NF1: variants seen among roughly 807,000 people sequenced by gnomAD.
The protein encoded by NF1 is neurofibromin.
Under a neutral mutation model 325.7 loss-of-function variants are expected in NF1, and 122 were observed. That is an observed-to-expected ratio of 0.37 (90% CI 0.32 to 0.44). The LOEUF (loss-of-function observed/expected upper bound fraction) is 0.44. NF1 is among the 20% of genes least tolerant of loss of function. NF1 has a pLI of 1.00. For missense variants in NF1, 2,140 were observed against 3,415.4 expected (o/e 0.63, Z 9.31); for synonymous variants, 1,091 against 1,186.0 (o/e 0.92, Z 1.65).
At chr17:31,294,907 G>C in intron 36 of NF1, 1 of 1,490,760 alleles carries the variant, frequency 6.7e-7, no homozygotes, top group Non-Finnish European at 9.3e-7. Flanking sequence ...TGGCTTTCTT[G>C]AATACTTAAA....
intron 27 of NF1, among the ~76,000 whole-genome samples, chr17:31,235,193 CTG>C (rs2067179166): frequency 1.3e-5 from 2 of 152,136 alleles, no homozygotes; most frequent in African/African-American, 4.8e-5. Flanking sequence ...AGTTCCCCGA[CTG>C]TATGAGAAGA....
intron 36 of NF1, among the ~76,000 whole-genome samples, chr17:31,325,443 A>T (rs1023701931): frequency 6.6e-6 from 1 of 152,228 alleles, no homozygotes; most frequent in African/African-American, 2.4e-5. Flanking sequence ...TCAAGGTGGG[A>T]TAAATGGATT....
chr17:31,144,976 G>A (rs1451604329), intron 1 of NF1, among the ~76,000 whole-genome samples: 7 of 152,188 alleles, frequency 4.6e-5, no homozygotes, highest in Non-Finnish European at 1.0e-4. Context: ...TAAATTCAGA[G>A]TTCTTAAAAT....
At chr17:31,163,104 G>T in intron 3 of NF1, 82 bp from the exon 4 acceptor site, 1 of 1,344,482 alleles carries the variant, frequency 7.4e-7, no homozygotes, top group Non-Finnish European at 1.1e-6. Flanking sequence ...TTTGTTCTGT[G>T]TGTGTGTTTG....
chr17:31,113,830 A>G (rs972913106), intron 1 of NF1, among the ~76,000 whole-genome samples: 10 of 152,198 alleles, frequency 6.6e-5, no homozygotes, highest in Non-Finnish European at 1.2e-4. Context: ...CTTCTTTACA[A>G]GAAGAAAAAC....
intron 1 of NF1, among the ~76,000 whole-genome samples, chr17:31,112,928 T>G (rs2143310292): frequency 6.6e-6 from 1 of 152,310 alleles, no homozygotes; most frequent in South Asian, 2.1e-4. Flanking sequence ...ATTTGTGCTA[T>G]GTGCCTGTTA....
At chr17:31,202,224 T>C (rs893758850) in intron 11 of NF1, among the ~76,000 whole-genome samples, 3 of 152,228 alleles carry the variant, frequency 2.0e-5, no homozygotes, top group Admixed American at 2.0e-4. Flanking sequence ...AGTGTTATTT[T>C]CCATTGTTCC....
chr17:31,243,174 C>T (rs147479967), intron 29 of NF1, among the ~76,000 whole-genome samples: 1 of 80,978 alleles, frequency 1.2e-5, no homozygotes, highest in Non-Finnish European at 2.3e-5. Context: ...GAGTCAGTCT[C>T]TCTCTCTGTC....
At chr17:31,253,918 A>T (rs2067535067) in intron 31 of NF1, 1 of 152,116 alleles carries the variant, frequency 6.6e-6, no homozygotes, top group Non-Finnish European at 1.5e-5. Context: ...GTAATTTAGA[A>T]TACAGTGTTC....
chr17:31,373,429 T>C (rs576976353), intron 57 of NF1, among the ~76,000 whole-genome samples: 7 of 152,366 alleles, frequency 4.6e-5, no homozygotes, highest in Admixed American at 4.6e-4. Flanking sequence ...AGTTCAAGCC[T>C]GCCAGCCTCT....
intron 36 of NF1, chr17:31,272,590 G>A (rs1030659417): frequency 2.6e-5 from 4 of 152,176 alleles, no homozygotes; most frequent in African/African-American, 4.8e-5. Flanking sequence ...CCAGGATTGG[G>A]GTTCATTCTG....
In NF1 at chr17:31,221,900, T is replaced by A; in HGVS notation, c.1692T>A (p.Asp564Glu). The A allele has an allele frequency of 6.2e-7, 1 of 1,606,982 alleles. No individual in the cohort carries two copies. Among genetic ancestry groups the A allele is most frequent in the Non-Finnish European group, 8.5e-7 (1 of 1,179,094 alleles). ...ATAGCATTGATTTGTGGAATCCTGA[T>A]GCTCCTGTAGAAACATTTTGGGAGA... ...QLDSIDLWNP[D>E]APVETFWEIS... Residue 564 changes from aspartate to glutamate, a missense_variant, in exon 15 of 58, where the codon GAT becomes GAA. Asp to Glu is a conservative substitution (Grantham distance 45). Transcript: ENST00000358273.
At chr17:31,286,177 C>T (rs1307028917) in intron 36 of NF1, among the ~76,000 whole-genome samples, 2 of 152,130 alleles carry the variant, frequency 1.3e-5, no homozygotes, top group Non-Finnish European at 2.9e-5. Flanking sequence ...TCCCTGCAAC[C>T]TCCACCTACT....
At chr17:31,118,558 G>A (rs752341890) in intron 1 of NF1, among the ~76,000 whole-genome samples, 38 of 151,720 alleles carry the variant, frequency 2.5e-4, no homozygotes, top group Non-Finnish European at 5.3e-4. Flanking sequence ...TTCTGTTCCT[G>A]TGTTAGTTTG....
At chr17:31,359,179 C>T (rs547645332) in intron 56 of NF1, 164 bp downstream of exon 56, 20 of 623,552 alleles carry the variant, frequency 3.2e-5, no homozygotes, top group South Asian at 1.5e-4. Flanking sequence ...GGTTTTTTTC[C>T]AGGAGGCAGC....
chr17:31,260,659 A>G, intron 34 of NF1, 144 bp downstream of exon 34: 1 of 1,061,976 alleles, frequency 9.4e-7, no homozygotes, highest in South Asian at 1.4e-5. Flanking sequence ...TCTTTTTTTC[A>G]AAAAAATACA....
intron 4 of NF1, among the ~76,000 whole-genome samples, chr17:31,166,586 A>G (rs1021381063): frequency 4.0e-5 from 6 of 151,794 alleles, no homozygotes; most frequent in Non-Finnish European, 7.4e-5. Context: ...TGAACCCTAA[A>G]CTCTTAGAAG....
chr17:31,283,373 C>T (rs568353753), intron 36 of NF1, among the ~76,000 whole-genome samples: 37 of 151,490 alleles, frequency 2.4e-4, no homozygotes, highest in Non-Finnish European at 4.0e-4. Context: ...GCTGAGATGG[C>T]GCCACTGCAC....
chr17:31,313,033 T>A (rs1054674927), intron 36 of NF1, among the ~76,000 whole-genome samples: 3 of 152,180 alleles, frequency 2.0e-5, no homozygotes, highest in Non-Finnish European at 2.9e-5. Context: ...GATTATTGAC[T>A]AACATTTTTG....
Sources: allele counts gnomAD v4.1 joint callset (sites outside exome capture counted in the v4.1 genomes callset), GRCh38; gene constraint gnomAD v4.1.1; transcripts MANE v1.5; gene names NCBI Gene and HGNC (gene_info 2026-07-23, HGNC 2026-07-21).